CLEC20A: variants seen among roughly 807,000 people sequenced by gnomAD.
CLEC20A encodes the protein putative C-type lectin domain family 20 member A.
In CLEC20A at chr1:178,487,308, T is replaced by C. The variant is rs112009514; in HGVS notation, c.928+1193A>G. On this transcript the variant is annotated intron_variant, in intron 5 of 7. Coordinates refer to ENST00000623247, the Ensembl canonical transcript of CLEC20A. ...GACCTTAGATGAGAAGACAGGCTGT[T>C]ACCCAGCTTCTGACCCAAATCTGAT... 6.3e-3 allele frequency among the ~76,000 whole-genome samples: 958 copies of C among 152,292 alleles called. 6 individuals carry two copies. The highest frequency in any genetic ancestry group is 0.021 in the African/African-American group (884 of 41,564).
At chr1:178,492,707 A>C (rs1649294520) in intron 2 of CLEC20A, 141 bp from the exon 3 acceptor site, 1 of 397,076 alleles carries the variant, frequency 2.5e-6, no homozygotes, top group African/African-American at 2.1e-5. Context: ...CAATCCATTC[A>C]ATAAATACTG....
intron 7 of CLEC20A, chr1:178,481,552 A>G (rs1432881599): frequency 1.3e-5 from 2 of 152,350 alleles, no homozygotes; most frequent in Non-Finnish European, 2.9e-5. Flanking sequence ...CTCAGTATTT[A>G]GGAACAATTC....
intron 5 of CLEC20A, 149 bp from the exon 6 acceptor site, chr1:178,483,431 C>G (rs1173715067): frequency 5.1e-6 from 2 of 393,868 alleles, no homozygotes; most frequent in African/African-American, 4.1e-5. Context: ...GTGGGAAGCT[C>G]AATTCCTGCC....
At chr1:178,490,337 G>A (rs915353252) in exon 4 of CLEC20A, 3 of 398,512 alleles carry the variant, frequency 7.5e-6, no homozygotes, top group Admixed American at 4.4e-5. Context: ...TCTGCAGGTC[G>A]GCCAGATCCG....
At chr1:178,484,506 C>G (rs552111868) in intron 5 of CLEC20A, 2 of 151,578 alleles carry the variant, frequency 1.3e-5, no homozygotes, top group Admixed American at 6.6e-5. Flanking sequence ...TGCAACATGA[C>G]GAGATCCTGT....
exon 8 of CLEC20A, chr1:178,479,581 T>C (rs567575872): frequency 1.0e-5 from 4 of 398,558 alleles, no homozygotes; most frequent in Non-Finnish European, 1.3e-5. Flanking sequence ...TCTAAATTGT[T>C]CGTGACCTAA....
chr1:178,497,497 G>A (rs1473355435), upstream of CLEC20A, among the ~76,000 whole-genome samples: 1 of 152,146 alleles, frequency 6.6e-6, no homozygotes, highest in Non-Finnish European at 1.5e-5. Context: ...ATGCTCAGAG[G>A]GGCCAAGAAG....
intron 7 of CLEC20A, chr1:178,479,873 A>T: frequency 4.0e-6 from 1 of 247,442 alleles, no homozygotes; most frequent in Non-Finnish European, 7.6e-6. Context: ...TTCAATCCTG[A>T]TTGTTCATCA....
intron 2 of CLEC20A, among the ~76,000 whole-genome samples, chr1:178,493,304 G>A (rs1245391806): frequency 6.6e-6 from 1 of 152,216 alleles, no homozygotes; most frequent in Non-Finnish European, 1.5e-5. Flanking sequence ...TTTAAATCTA[G>A]GCAGCCACCA....
chr1:178,482,387 A>G (rs1256239342), exon 7 of CLEC20A: 2 of 398,518 alleles, frequency 5.0e-6, no homozygotes, highest in Admixed American at 8.8e-5. Flanking sequence ...TCAAGATTCC[A>G]AAAGGGTGCC....
rs907719232 is a variant in CLEC20A, at chr1:178,482,188, T to C, written c.1122+124A>G. On this transcript the variant is annotated intron_variant, in intron 7 of 7. Transcript: ENST00000623247. ...AACTTGTCACCATGAGCCAAAGTGA[T>C]GGCAGTGGAACAAGATGAGGTCATA... 1.8e-5 allele frequency: 7 copies of C among 396,534 alleles called. No individual in the cohort carries two copies. The South Asian group carries it at 9.8e-4, about 56-fold the overall frequency. 24.6% of individuals were successfully genotyped at this position (396,534 alleles called of 1,614,324 possible).
chr1:178,484,942 C>G (rs1305410906), intron 5 of CLEC20A, among the ~76,000 whole-genome samples: 1 of 152,150 alleles, frequency 6.6e-6, no homozygotes, highest in African/African-American at 2.4e-5. Context: ...CTCTCCTTTT[C>G]TGATTGGCCA....
chr1:178,494,941 C>T (rs927591062), intron 1 of CLEC20A, 131 bp from the exon 2 acceptor site: 20 of 397,642 alleles, frequency 5.0e-5, no homozygotes, highest in Non-Finnish European at 7.5e-5. Flanking sequence ...CGCTGGCCCA[C>T]CAGTCATATC....
At chr1:178,489,280 T>C (rs540761124) in intron 4 of CLEC20A, among the ~76,000 whole-genome samples, 25 of 152,178 alleles carry the variant, frequency 1.6e-4, no homozygotes, top group Non-Finnish European at 2.8e-4. Context: ...TGAGAATTGC[T>C]TGAACCCAGG....
intron 2 of CLEC20A, chr1:178,493,659 C>T (rs956930598): frequency 2.6e-5 from 4 of 152,276 alleles, no homozygotes; most frequent in East Asian, 1.9e-4. Context: ...CAAAGATGCC[C>T]GAAGAGTTGG....
intron 7 of CLEC20A, 54 bp from the exon 8 acceptor site, chr1:178,479,669 C>T (rs1360625033): frequency 2.5e-6 from 1 of 397,936 alleles, no homozygotes; most frequent in Non-Finnish European, 4.4e-6. Context: ...CTTCATGGTC[C>T]TCTTAGCCCT....
intron 7 of CLEC20A, chr1:178,480,550 A>C (rs1215917867): frequency 1.3e-5 from 2 of 152,412 alleles, no homozygotes; most frequent in African/African-American, 4.8e-5. Flanking sequence ...TGGGAGGCCA[A>C]GGCAGGTGGA....
intron 4 of CLEC20A, among the ~76,000 whole-genome samples, chr1:178,488,972 G>T (rs1048651292): frequency 8.5e-5 from 13 of 152,094 alleles, no homozygotes; most frequent in Non-Finnish European, 1.9e-4. Flanking sequence ...CTTTGAGGTG[G>T]GGGGGGCGGT....
At chr1:178,494,951 C>T (rs186366741) in intron 1 of CLEC20A, 141 bp from the exon 2 acceptor site, 25 of 397,832 alleles carry the variant, frequency 6.3e-5, no homozygotes, top group Admixed American at 4.8e-4. Flanking sequence ...CCAGTCATAT[C>T]CAGCTCTACC....
Sources: allele counts gnomAD v4.1 joint callset (sites outside exome capture counted in the v4.1 genomes callset), GRCh38; gene constraint gnomAD v4.1.1; transcripts MANE v1.5; gene names NCBI Gene and HGNC (gene_info 2026-07-23, HGNC 2026-07-21).